The following PLEKHD1 variants were observed in gnomAD, a reference collection of about 807,000 sequenced individuals.
PLEKHD1 encodes pleckstrin homology and coiled-coil domain containing D1.
Under a neutral mutation model 69.2 loss-of-function variants are expected in PLEKHD1, and 51 were observed. The observed-to-expected ratio is 0.74, with a 90% CI of 0.59 to 0.93. PLEKHD1 has a LOEUF of 0.93. Ranked by LOEUF, PLEKHD1 falls within the 40% of genes least tolerant of loss-of-function variation. PLEKHD1 has a pLI of 0.00. For missense variants in PLEKHD1, 584 were observed against 641.0 expected (o/e 0.91, Z 0.96); for synonymous variants, 236 against 244.7 (o/e 0.96, Z 0.33).
intron 6 of PLEKHD1, among the ~76,000 whole-genome samples, chr14:69,514,192 C>T (rs1313684368): frequency 6.6e-6 from 1 of 151,006 alleles, no homozygotes; most frequent in Non-Finnish European, 1.5e-5. Context: ...TCTGATTATT[C>T]TCATTATACA....
intron 7 of PLEKHD1, among the ~76,000 whole-genome samples, chr14:69,523,459 TACTA>T (rs1273702071): frequency 6.6e-6 from 1 of 152,166 alleles, no homozygotes; most frequent in Non-Finnish European, 1.5e-5. Flanking sequence ...CAGAGGATCT[TACTA>T]AGTAAATAGC....
At chr14:69,514,179 CCTT>C (rs1166497483) in intron 6 of PLEKHD1, among the ~76,000 whole-genome samples, 2 of 151,698 alleles carry the variant, frequency 1.3e-5, no homozygotes, top group African/African-American at 4.8e-5. Context: ...TGCTTCTAGT[CCTT>C]CTGATTATTC....
At chr14:69,502,913 G>C in intron 6 of PLEKHD1, 34 bp downstream of exon 6, 1 of 1,550,518 alleles carries the variant, frequency 6.4e-7, no homozygotes, top group Middle Eastern at 1.7e-4. Flanking sequence ...CAGCAGCCGT[G>C]GTGTAATGGC....
intron 3 of PLEKHD1, 99 bp downstream of exon 3, chr14:69,500,765 G>A (rs369481335): frequency 5.9e-5 from 90 of 1,516,930 alleles, no homozygotes; most frequent in Middle Eastern, 1.7e-4. Flanking sequence ...TGGGAGAGGG[G>A]CATCAGCACC....
chr14:69,521,366 T>C (rs964928727), intron 6 of PLEKHD1, among the ~76,000 whole-genome samples: 1 of 152,052 alleles, frequency 6.6e-6, no homozygotes, highest in Non-Finnish European at 1.5e-5. Flanking sequence ...CTTCTTTGCA[T>C]CTCCTCAAAG....
At chr14:69,521,886 T>C (rs1883522348) in intron 6 of PLEKHD1, among the ~76,000 whole-genome samples, 1 of 152,036 alleles carries the variant, frequency 6.6e-6, no homozygotes, top group Non-Finnish European at 1.5e-5. Flanking sequence ...TCCAGGGATC[T>C]CGAATGGAAA....
At chr14:69,511,503 T>A (rs1000591022) in intron 6 of PLEKHD1, among the ~76,000 whole-genome samples, 13 of 152,250 alleles carry the variant, frequency 8.5e-5, no homozygotes, top group African/African-American at 3.1e-4. Flanking sequence ...AATTTTTGCA[T>A]CTGTGTTCAT....
intron 6 of PLEKHD1, among the ~76,000 whole-genome samples, chr14:69,510,327 T>C (rs1281883850): frequency 6.6e-6 from 1 of 152,262 alleles, no homozygotes. Context: ...TTTATGAACA[T>C]GGACTATCCC....
At chr14:69,501,864 T>G (rs1320201279) in intron 5 of PLEKHD1, 39 bp downstream of exon 5, 3 of 1,490,416 alleles carry the variant, frequency 2.0e-6, no homozygotes, top group Non-Finnish European at 1.8e-6. Flanking sequence ...TAGCAGCACT[T>G]GGGGACCAGG....
chr14:69,494,165 T>G (rs1397469470), intron 1 of PLEKHD1, among the ~76,000 whole-genome samples: 1 of 152,218 alleles, frequency 6.6e-6, no homozygotes, highest in Admixed American at 6.5e-5. Flanking sequence ...ACCACCATGT[T>G]CTAAGTCTTT....
At chr14:69,489,442 C>T (rs1302921228) in intron 1 of PLEKHD1, among the ~76,000 whole-genome samples, 1 of 150,476 alleles carries the variant, frequency 6.6e-6, no homozygotes, top group Admixed American at 6.7e-5. Context: ...GCCTGTAATC[C>T]CAGCTACTCA....
At chr14:69,489,077 T>C (rs1882716397) in intron 1 of PLEKHD1, among the ~76,000 whole-genome samples, 1 of 152,246 alleles carries the variant, frequency 6.6e-6, no homozygotes, top group African/African-American at 2.4e-5. Context: ...GAGTTAATTG[T>C]GCAAACAGGT....
chr14:69,484,411 C>G (rs1882604888), upstream of PLEKHD1, among the ~76,000 whole-genome samples: 1 of 152,180 alleles, frequency 6.6e-6, no homozygotes, highest in Non-Finnish European at 1.5e-5. Flanking sequence ...GCAAAGCGGA[C>G]GTGGCCCTCG....
chr14:69,500,672 T>A lies in PLEKHD1; in HGVS notation c.333+6T>A, dbSNP rs1394624885. ...TCTCCCACCAGGACTTCCATGTGAG[T>A]AAAGCTCTTCCCTCAGCCTGGGCTC... On this transcript the variant is annotated splice_donor_region_variant and intron_variant, in intron 3 of 12. Coordinates refer to ENST00000322564, the MANE Select transcript of PLEKHD1 (RefSeq NM_001161498.2). 6.4e-7 allele frequency: 1 copy of A among 1,550,744 alleles called. No individual in the cohort carries two copies. The highest frequency in any genetic ancestry group is 1.4e-5 in the African/African-American group (1 of 73,130).
upstream of PLEKHD1, among the ~76,000 whole-genome samples, chr14:69,479,973 GA>G (rs565343864): frequency 3.7e-4 from 56 of 152,274 alleles, no homozygotes; most frequent in South Asian, 0.012. Flanking sequence ...GAGGCTAAGC[GA>G]GGACAAACCG....
chr14:69,506,608 A>G (rs990905669), intron 6 of PLEKHD1, among the ~76,000 whole-genome samples: 4 of 152,240 alleles, frequency 2.6e-5, no homozygotes, highest in Admixed American at 2.0e-4. Context: ...CAGCAAAACT[A>G]CGCAGCAAAT....
chr14:69,501,938 A>C (rs1007987670), intron 5 of PLEKHD1, 113 bp downstream of exon 5: 1 of 953,676 alleles, frequency 1.0e-6, no homozygotes, highest in African/African-American at 1.7e-5. Context: ...TGGGGCTATG[A>C]GGGAACAGAG....
chr14:69,513,508 G>T (rs564755734), intron 6 of PLEKHD1, among the ~76,000 whole-genome samples: 1 of 152,210 alleles, frequency 6.6e-6, no homozygotes, highest in Non-Finnish European at 1.5e-5. Flanking sequence ...AGTGGCTGAA[G>T]TGTGGCCGCT....
At position 69,525,883 on chromosome 14, in the gene PLEKHD1, G is replaced by A. The variant is rs1315671347; in HGVS notation, c.745-61G>A. On this transcript the variant is annotated intron_variant, in intron 8 of 12. Coordinates refer to ENST00000322564, the MANE Select transcript of PLEKHD1 (RefSeq NM_001161498.2). ...CTCCCCCAAACGGAAAAGCAGGTGA[G>A]GGCAGCCACGATGGAGAACCTAAAT... 4 of 1,480,058 alleles carry A rather than the reference G, an allele frequency of 2.7e-6. No individual in the cohort carries two copies. In the East Asian group the frequency reaches 7.4e-5, roughly 27 times the overall value. 91.7% of individuals were successfully genotyped at this position (1,480,058 alleles called of 1,614,324 possible).
Sources: gnomAD v4.1 joint callset for allele counts (sites outside exome capture counted in the v4.1 genomes callset) on GRCh38, gnomAD v4.1.1 for gene constraint, MANE v1.5 for transcripts, NCBI Gene and HGNC (gene_info 2026-07-23, HGNC 2026-07-21) for gene names.